NLRC3: variants seen among roughly 807,000 people sequenced by gnomAD.
NLRC3 encodes the protein NLR family CARD domain containing 3.
In NLRC3, 87 loss-of-function variants were observed where a neutral mutation model predicts 91.6. That is an observed-to-expected ratio of 0.95 (90% CI 0.80 to 1.14). The LOEUF (loss-of-function observed/expected upper bound fraction) is 1.14. Among genes scored for constraint, NLRC3 ranks in the 50% most tolerant of loss-of-function variants. The probability of loss-of-function intolerance (pLI) is 0.00; values close to 1 mark genes in which losing one functional copy is unlikely to be tolerated. For synonymous variants in NLRC3, 694 were observed against 625.3 expected, an observed-to-expected ratio of 1.11 and a Z score of -1.64; for missense variants, 1,577 against 1,418.6, an observed-to-expected ratio of 1.11 and a Z score of -1.79.
chr16:3,576,989 C>T (rs1201384557), intron 1 of NLRC3, among the ~76,000 whole-genome samples, 160 bp downstream of exon 1: 3 of 152,152 alleles, frequency 2.0e-5, no homozygotes. Context: ...TTTTCTACAG[C>T]ATGAGCCAGT....
Position 3,577,277 on chromosome 16 carries a change from C to T in NLRC3, c.-297G>A, listed in dbSNP as rs2040342929. On this transcript the variant is annotated 5_prime_UTR_variant, in exon 1 of 20. Transcript: ENST00000359128. ...GATGCCCTGGGAATCCCTGTGCCAG[C>T]CTGAGTTCTCAGGACCAGGGATCAG... is the stretch of plus-strand genomic sequence containing the variant. The T allele has an allele frequency of 1.4e-6, 1 of 693,154 alleles. No individual in the cohort carries two copies. Among genetic ancestry groups the T allele is most frequent in the Non-Finnish European group, 2.6e-6 (1 of 379,828 alleles). 42.9% of individuals were successfully genotyped at this position (693,154 alleles called of 1,614,324 possible). A position where few individuals can be genotyped will look rare whatever the true frequency, so the allele number is the denominator to read the frequency against.
At chr16:3,573,728 T>A (rs1028340318) in intron 1 of NLRC3, among the ~76,000 whole-genome samples, 1 of 152,220 alleles carries the variant, frequency 6.6e-6, no homozygotes, top group African/African-American at 2.4e-5. Flanking sequence ...ATTGATTGAT[T>A]TAAAATTTTG....
At chr16:3,548,570 G>T (rs1596444811) in intron 14 of NLRC3, 100 bp downstream of exon 14, 6 of 886,410 alleles carry the variant, frequency 6.8e-6, no homozygotes, top group East Asian at 5.3e-5. Context: ...TTTGCAGGGG[G>T]TGTCCCCAAA....
intron 9 of NLRC3, among the ~76,000 whole-genome samples, chr16:3,553,165 C>T (rs1280979021): frequency 6.6e-6 from 1 of 152,148 alleles, no homozygotes; most frequent in Non-Finnish European, 1.5e-5. Context: ...GACTCCTTAC[C>T]ACCCTCATTT....
intron 5 of NLRC3, among the ~76,000 whole-genome samples, chr16:3,562,191 A>T (rs755117280): frequency 6.6e-6 from 1 of 152,152 alleles, no homozygotes; most frequent in Admixed American, 6.6e-5. Context: ...TATGAATTGA[A>T]TTGTGTCCCC....
chr16:3,544,323 C>T lies in NLRC3; in HGVS notation c.2778G>A (p.Gln926=), dbSNP rs1481838296. 5.0e-6 allele frequency: 8 copies of T among 1,612,258 alleles called. No individual in the cohort carries two copies. The highest frequency in any genetic ancestry group is 6.8e-6 in the Non-Finnish European group (8 of 1,178,444). ...CTCCGTCATCCCCGATGGCGTTCTC[C>T]TGTAAACTAGACACAGAGTATGACC... The part of the protein sequence containing the change: ...LNRSLTSLDL[Q]ENAIGDDGAC... The change falls in exon 16 of 20, where the codon CAG becomes CAA. Residue 926 remains glutamine, a synonymous_variant. Transcript: ENST00000359128.
Position 3,564,973 on chromosome 16 carries a change from C to T in NLRC3, c.64G>A (p.Ala22Thr), listed in dbSNP as rs781067382. ...AGQGHGTGSPAEQVKALMDLL... is the reference protein window; with the variant it reads ...AGQGHGTGSPTEQVKALMDLL... The stretch of plus-strand genomic sequence containing the variant: ...TCCATGAGGGCTTTCACCTGCTCGG[C>T]TGGGGAGCCCGTACCGTGGCCCTGG... The change falls in exon 4 of 20, where the codon GCC becomes ACC. Residue 22 changes from alanine to threonine, a missense_variant. Coordinates refer to ENST00000359128, the MANE Select transcript of NLRC3 (RefSeq NM_178844.4). The surrounding 1 kb of genome is among the most constrained non-coding windows in gnomAD (Gnocchi z 5.9). 67 of 1,610,480 alleles carry T rather than the reference C, an allele frequency of 4.2e-5. No individual in the cohort carries two copies. The highest frequency in any genetic ancestry group is 1.6e-4 in the Middle Eastern group (1 of 6,084).
intron 6 of NLRC3, among the ~76,000 whole-genome samples, chr16:3,558,963 G>C (rs998450965): frequency 6.6e-6 from 1 of 152,066 alleles, no homozygotes; most frequent in African/African-American, 2.4e-5. Context: ...GCAGAGACAG[G>C]GTTTTACTTT....
At chr16:3,543,081 C>A (rs2038492851) in intron 17 of NLRC3, 1 of 492,900 alleles carries the variant, frequency 2.0e-6, no homozygotes, top group Non-Finnish European at 3.7e-6. Context: ...CCCCAGTGCT[C>A]CCAGCAAGGG....
chr16:3,561,657 C>T (rs751386230), intron 6 of NLRC3, 45 bp downstream of exon 6: 14 of 1,355,438 alleles, frequency 1.0e-5, no homozygotes, highest in Non-Finnish European at 1.4e-5. Flanking sequence ...GTTCCATACC[C>T]CACAAGACCA....
intron 10 of NLRC3, among the ~76,000 whole-genome samples, chr16:3,551,975 C>A (rs55840537): frequency 0.12 from 12,347 of 103,780 alleles, 585 homozygotes; most frequent in African/African-American, 0.17. Context: ...CAGTGTATCC[C>A]TTCATTCATC....
At chr16:3,544,503 C>T in intron 15 of NLRC3, 174 bp from the exon 16 acceptor site, 1 of 604,922 alleles carries the variant, frequency 1.7e-6, no homozygotes, top group Non-Finnish European at 3.0e-6. Flanking sequence ...CCGCCTCATA[C>T]TAAGCACACA....
chr16:3,549,580 CCAGGAAGG>C, intron 12 of NLRC3, 109 bp downstream of exon 12: 12 of 808,860 alleles, frequency 1.5e-5, no homozygotes, highest in Non-Finnish European at 1.0e-5. Flanking sequence ...GGCCAGGCTG[CCAGGAAGG>C]CTTCCCCAGC....
intron 17 of NLRC3, 23 bp downstream of exon 17, chr16:3,543,402 T>C (rs1393940134): frequency 1.3e-6 from 2 of 1,539,420 alleles, no homozygotes; most frequent in South Asian, 2.3e-5. Context: ...CTAAAGACCA[T>C]AGATGGAGAC....
intron 10 of NLRC3, 122 bp downstream of exon 10, chr16:3,552,074 C>T: frequency 3.0e-6 from 2 of 663,178 alleles, no homozygotes; most frequent in Non-Finnish European, 5.4e-6. Flanking sequence ...TCCACCCACC[C>T]ATCCATCCAT....
intron 1 of NLRC3, among the ~76,000 whole-genome samples, chr16:3,573,239 CA>C (rs1166617498): frequency 6.7e-6 from 1 of 149,014 alleles, no homozygotes; most frequent in African/African-American, 2.5e-5. Flanking sequence ...GCAACATGGG[CA>C]AAACCCTGTC....
chr16:3,554,722 G>C (rs2039209304), intron 8 of NLRC3, among the ~76,000 whole-genome samples: 1 of 152,180 alleles, frequency 6.6e-6, no homozygotes, highest in Admixed American at 6.6e-5. Flanking sequence ...TCCTTAAAAG[G>C]TTAAACATGG....
chr16:3,575,614 A>C (rs938899753), intron 1 of NLRC3, among the ~76,000 whole-genome samples: 1 of 152,186 alleles, frequency 6.6e-6, no homozygotes, highest in Non-Finnish European at 1.5e-5. Context: ...TCTGTGAGCG[A>C]AGGTGAACCT....
In NLRC3 at chr16:3,563,420, T is replaced by C; in HGVS notation, c.1517A>G (p.Glu506Gly). ...RSAAQRAMQA[E>G]DGRLDVFLRF... ...CAGGAACACGTCCAGCCTCCCGTCC[T>C]CTGCCTGCATGGCCCGCTGGGCTGC... is the stretch of plus-strand genomic sequence containing the variant. Residue 506 changes from glutamate (E) to glycine (G), a missense_variant, in exon 5 of 20, where the codon GAG (glutamate) becomes GGG (glycine). Transcript: ENST00000359128. 6.3e-7 allele frequency: 1 copy of C among 1,575,840 alleles called. No individual in the cohort carries two copies. Among genetic ancestry groups the C allele is most frequent in the Non-Finnish European group, 8.6e-7 (1 of 1,161,228 alleles).
Sources: allele counts gnomAD v4.1 joint callset (sites outside exome capture counted in the v4.1 genomes callset), GRCh38; gene constraint gnomAD v4.1.1; non-coding constraint Gnocchi (gnomAD v3.1); transcripts MANE v1.5; gene names NCBI Gene and HGNC (gene_info 2026-07-23, HGNC 2026-07-21).